Variants in RIN2 observed in about 807,000 individuals in gnomAD.
RIN2 encodes RAB5 interacting protein 2.
Under a neutral mutation model 78.0 loss-of-function variants are expected in RIN2, and 36 were observed. The ratio of observed to expected loss-of-function variants is 0.46; its 90% CI spans 0.35 to 0.61. The LOEUF (loss-of-function observed/expected upper bound fraction) is 0.61, where lower values mean the gene tolerates loss of function less well. Ranked by LOEUF, RIN2 falls within the 20% of genes least tolerant of loss-of-function variation. The probability of loss-of-function intolerance (pLI) is 0.00; values close to 1 mark genes in which losing one functional copy is unlikely to be tolerated. For missense variants in RIN2, 1,087 were observed against 1,159.7 expected (o/e 0.94, Z 0.91); for synonymous variants, 466 against 466.8 (o/e 1.00, Z 0.02).
chr20:19,837,659 T>C (rs2036461668), intron 2 of RIN2, among the ~76,000 whole-genome samples: 1 of 152,178 alleles, frequency 6.6e-6, no homozygotes, highest in South Asian at 2.1e-4. Context: ...CTTTGCTTTT[T>C]AATTGTTTAT....
In RIN2 at chr20:19,975,054, T is replaced by C; in HGVS notation, c.1029T>C (p.His343=). Residue 343 remains histidine, a synonymous_variant, in exon 9 of 13, where the codon CAT becomes CAC. Transcript: ENST00000255006. This position sits in a 1 kb window ranked among gnomAD's most constrained non-coding sequence, Gnocchi z 4.9. ...CAGAAACAGTCAACCATAACAAACA[T>C]GGGAACGTAGCTCTGCCTGGAACGA... ...SMPETVNHNK[H]GNVALPGTKP... is the part of the protein sequence containing the mutation. The C allele has an allele frequency of 1.9e-6, 3 of 1,592,708 alleles. No individual in the cohort carries two copies. The highest frequency in any genetic ancestry group is 1.1e-5 in the South Asian group (1 of 90,660).
At chr20:19,796,919 C>T (rs1055702235) in intron 1 of RIN2, among the ~76,000 whole-genome samples, 2 of 152,198 alleles carry the variant, frequency 1.3e-5, no homozygotes, top group Non-Finnish European at 2.9e-5. Flanking sequence ...AGACTTCACA[C>T]AGAGTCAATG....
At chr20:19,821,504 G>T (rs920039282) in intron 2 of RIN2, among the ~76,000 whole-genome samples, 48 of 152,138 alleles carry the variant, frequency 3.2e-4, no homozygotes, top group Admixed American at 1.1e-3. Context: ...ACCTCAATTT[G>T]TCTCTATGGC....
chr20:19,798,319 A>C (rs1332254753), intron 1 of RIN2, among the ~76,000 whole-genome samples: 1 of 152,110 alleles, frequency 6.6e-6, no homozygotes, highest in Non-Finnish European at 1.5e-5. Context: ...TTCTCAAGGA[A>C]GAGGAGAGGG....
rs189722719 is a variant in RIN2 at position 19,920,242 on chromosome 20, G to T, written c.58-14857G>T. 1.5e-4 allele frequency among the ~76,000 whole-genome samples: 23 copies of T among 150,624 alleles called. No individual in the cohort carries two copies. In the East Asian group the frequency reaches 4.3e-3, roughly 28 times the overall value. On this transcript the variant is annotated intron_variant, in intron 3 of 12. Transcript: ENST00000255006. ...ACCCGGGAGGGGGAGCTTGCAGTGA[G>T]CTGAGATCGCGCCACTGCACTCCAG...
At chr20:19,959,287 C>T (rs1184697746) in intron 5 of RIN2, among the ~76,000 whole-genome samples, 1 of 151,070 alleles carries the variant, frequency 6.6e-6, no homozygotes, top group Middle Eastern at 3.2e-3. Context: ...AGAGGTTGCA[C>T]TCCCCAACCC....
intron 1 of RIN2, among the ~76,000 whole-genome samples, chr20:19,779,424 C>G (rs972846853): frequency 6.6e-6 from 1 of 152,200 alleles, no homozygotes; most frequent in African/African-American, 2.4e-5. Flanking sequence ...GAGAGATCAT[C>G]TCAACTCATT....
chr20:19,817,736 C>T (rs1454893362), intron 2 of RIN2, among the ~76,000 whole-genome samples: 2 of 152,026 alleles, frequency 1.3e-5, no homozygotes, highest in East Asian at 3.8e-4. Flanking sequence ...ACACTGATGC[C>T]CACTGAGGTT....
chr20:19,844,252 A>G (rs967504212), intron 2 of RIN2, among the ~76,000 whole-genome samples: 1 of 152,220 alleles, frequency 6.6e-6, no homozygotes, highest in South Asian at 2.1e-4. Context: ...GGATAAAAAA[A>G]CATCACTTGC....
chr20:19,837,799 A>G lies in RIN2; in HGVS notation c.-37+38052A>G, dbSNP rs8122859. Reference sequence around the variant, plus strand: ...CCTTTCCCTCTCTTTTTCTTTCTCCATCCTTCTTTCCTTTCTTTCTTCCCC... The same window carrying G: ...CCTTTCCCTCTCTTTTTCTTTCTCCGTCCTTCTTTCCTTTCTTTCTTCCCC... On this transcript the variant is annotated intron_variant, in intron 2 of 12. Coordinates refer to ENST00000255006, the MANE Select transcript of RIN2 (RefSeq NM_018993.4). Among the ~76,000 whole-genome samples, 659 of 131,204 alleles carry G rather than the reference A, an allele frequency of 5.0e-3. 5 individuals are homozygous for G. The highest frequency in any genetic ancestry group is 0.019 in the African/African-American group (642 of 34,572). 86.1% of individuals were successfully genotyped at this position (131,204 alleles called of 152,430 possible).
intron 4 of RIN2, among the ~76,000 whole-genome samples, chr20:19,938,203 T>G (rs1302255024): frequency 6.6e-6 from 1 of 152,070 alleles, no homozygotes; most frequent in African/African-American, 2.4e-5. Context: ...CTCCTTTTCT[T>G]TTTTTGTTTG....
chr20:19,935,177 C>T lies in RIN2; in HGVS notation c.136C>T (p.Leu46=), dbSNP rs6081817. ...GACAGATGTCAACCTGGAAAATGGC[C>T]TGGAACCCGCTGAAACCCACAGGTG... The part of the protein sequence containing the change: ...VRTDVNLENG[L]EPAETHSMVR... Residue 46 remains leucine, a synonymous_variant, in exon 4 of 13, where the codon CTG becomes TTG. Coordinates refer to ENST00000255006, the MANE Select transcript of RIN2 (RefSeq NM_018993.4). 1 of 1,601,100 alleles carries T rather than the reference C, an allele frequency of 6.2e-7. No individual in the cohort carries two copies. The highest frequency in any genetic ancestry group is 1.1e-5 in the South Asian group (1 of 88,532).
chr20:19,992,271 C>T lies in RIN2; in HGVS notation c.2172C>T (p.Leu724=). 6.3e-7 allele frequency: 1 copy of T among 1,582,916 alleles called. No individual in the cohort carries two copies. The highest frequency in any genetic ancestry group is 8.6e-7 in the Non-Finnish European group (1 of 1,163,258). The change falls in exon 11 of 13, where the codon CTC becomes CTT. Residue 724 remains leucine (L), a synonymous_variant. Coordinates refer to ENST00000255006, the MANE Select transcript of RIN2 (RefSeq NM_018993.4). The stretch of plus-strand genomic sequence containing the variant: ...CTGAAATCGAGTACATGATGGAGCT[C>T]CTAGACCCATCGCTGTTACATGGAG... ...LDTEIEYMME[L]LDPSLLHGEG...
intron 4 of RIN2, among the ~76,000 whole-genome samples, chr20:19,949,066 T>G (rs6112673): frequency 0.14 from 21,231 of 151,756 alleles, 1,605 homozygotes; most frequent in South Asian, 0.21. Context: ...ATTGCCTGAG[T>G]TCAGGAGTTC....
chr20:19,795,230 G>A (rs183748410), intron 1 of RIN2, among the ~76,000 whole-genome samples: 6 of 152,198 alleles, frequency 3.9e-5, no homozygotes, highest in Admixed American at 2.0e-4. Context: ...TTCTTCTTAC[G>A]GAAAAGCACC....
At chr20:19,855,209 C>A (rs965283285) in intron 2 of RIN2, among the ~76,000 whole-genome samples, 2 of 151,836 alleles carry the variant, frequency 1.3e-5, no homozygotes, top group East Asian at 3.9e-4. Flanking sequence ...GTTGAACCAG[C>A]CTTGCATCCC....
chr20:19,981,291 A>C (rs1322220532), intron 9 of RIN2, among the ~76,000 whole-genome samples: 3 of 152,192 alleles, frequency 2.0e-5, no homozygotes. Flanking sequence ...GTGAAGGCAC[A>C]TCACACCAGA....
intron 3 of RIN2, among the ~76,000 whole-genome samples, chr20:19,893,243 C>T (rs952651527): frequency 6.6e-6 from 1 of 152,160 alleles, no homozygotes. Context: ...TGGAGTGACT[C>T]TTGATGCTAC....
At chr20:19,938,813 T>C (rs2040750414) in intron 4 of RIN2, among the ~76,000 whole-genome samples, 1 of 152,242 alleles carries the variant, frequency 6.6e-6, no homozygotes, top group Admixed American at 6.5e-5. Flanking sequence ...ATACCATCTA[T>C]ACATTGGTTA....
Sources: gnomAD v4.1 joint callset for allele counts (sites outside exome capture counted in the v4.1 genomes callset) on GRCh38, gnomAD v4.1.1 for gene constraint, Gnocchi (gnomAD v3.1) non-coding constraint, MANE v1.5 for transcripts, NCBI Gene and HGNC (gene_info 2026-07-23, HGNC 2026-07-21) for gene names.